LMLN: variants seen among roughly 807,000 people sequenced by gnomAD.
LMLN encodes leishmanolysin-like peptidase.
Under a neutral mutation model 92.3 loss-of-function variants are expected in LMLN, and 70 were observed. That is an observed-to-expected ratio of 0.76 (90% CI 0.63 to 0.92). The LOEUF is 0.92. Ranked by LOEUF, LMLN falls within the 40% of genes least tolerant of loss-of-function variation. The pLI, the probability that LMLN is intolerant of heterozygous loss-of-function variation, is 0.00. For missense variants in LMLN, 691 were observed against 814.6 expected (o/e 0.85, Z 1.85); for synonymous variants, 308 against 296.2 (o/e 1.04, Z -0.41).
At chr3:198,018,966 A>G (rs1330536551) in intron 11 of LMLN, among the ~76,000 whole-genome samples, 2 of 152,268 alleles carry the variant, frequency 1.3e-5, no homozygotes, top group East Asian at 3.8e-4. Flanking sequence ...CAAGTTGATA[A>G]CAATTAGGAA....
intron 1 of LMLN, among the ~76,000 whole-genome samples, chr3:197,961,306 A>G (rs1720873403): frequency 2.0e-5 from 3 of 152,224 alleles, no homozygotes; most frequent in Admixed American, 1.3e-4. Context: ...ACGATAATCC[A>G]TATTCTTTGA....
intron 10 of LMLN, among the ~76,000 whole-genome samples, chr3:197,996,883 G>A (rs1308749584): frequency 6.6e-6 from 1 of 152,162 alleles, no homozygotes; most frequent in Admixed American, 6.5e-5. Flanking sequence ...TTGGGCTCAA[G>A]CAGTCCTCCT....
intron 6 of LMLN, 152 bp from the exon 7 acceptor site, chr3:197,983,791 A>G: frequency 1.9e-6 from 1 of 530,058 alleles, no homozygotes; most frequent in Admixed American, 3.3e-5. Flanking sequence ...AGCAGAGGAT[A>G]CATGTCTTAA....
chr3:198,014,727 T>C, intron 11 of LMLN, among the ~76,000 whole-genome samples: 1 of 142,868 alleles, frequency 7.0e-6, no homozygotes. Flanking sequence ...TCTCCACTCT[T>C]CAGAGCCCCC....
At chr3:197,974,672 A>G (rs1010775961) in intron 2 of LMLN, among the ~76,000 whole-genome samples, 198 bp downstream of exon 2, 38 of 152,248 alleles carry the variant, frequency 2.5e-4, no homozygotes, top group African/African-American at 8.9e-4. Context: ...TTTATGAATA[A>G]TTTTCTTTTA....
At chr3:197,969,087 CTTT>C (rs879484358) in intron 1 of LMLN, among the ~76,000 whole-genome samples, 1 of 144,548 alleles carries the variant, frequency 6.9e-6, no homozygotes. Flanking sequence ...TTCTCTCTGT[CTTT>C]TTTTTTTTTG....
Position 198,012,821 on chromosome 3 carries a change from C to A in LMLN, c.1233-6432C>A, listed in dbSNP as rs551372382. Among the ~76,000 whole-genome samples the A allele has an allele frequency of 1.1e-4, 17 of 149,686 alleles. No homozygotes were observed. The South Asian group carries it at 3.6e-3, about 32-fold the overall frequency. Reference sequence around the variant, plus strand: ...TACCCTTCAGAGCCCCCTAACTAGTCTGACTTCTCTCCACCCTTCAGAGTC... The same window carrying A: ...TACCCTTCAGAGCCCCCTAACTAGTATGACTTCTCTCCACCCTTCAGAGTC... On this transcript the variant is annotated intron_variant, in intron 11 of 15. Transcript: ENST00000330198.
intron 1 of LMLN, among the ~76,000 whole-genome samples, chr3:197,973,011 A>G (rs1425834709): frequency 2.6e-5 from 4 of 152,178 alleles, no homozygotes; most frequent in Admixed American, 2.0e-4. Context: ...TGCCACTCCA[A>G]GAGACACAGA....
At chr3:198,000,796 C>T (rs1722151371) in intron 11 of LMLN, among the ~76,000 whole-genome samples, 1 of 152,192 alleles carries the variant, frequency 6.6e-6, no homozygotes, top group African/African-American at 2.4e-5. Context: ...GCGCTTGGCA[C>T]ACTGTGAGTG....
chr3:198,035,795 T>A (rs1023021313), intron 14 of LMLN, 38 bp from the exon 16 acceptor site: 5 of 1,430,532 alleles, frequency 3.5e-6, no homozygotes, highest in Non-Finnish European at 3.9e-6. Flanking sequence ...GACCTGATAT[T>A]TATTATTTTT....
In LMLN at chr3:198,007,352, G is replaced by C. The variant is rs142216872; in HGVS notation, c.1232+8010G>C. ...CCATGATTCATTTGAGTTAAGTTTT[G>C]TATAAGGTGGGAGACTTAGATCAAG... On this transcript the variant is annotated intron_variant, in intron 11 of 15. Transcript: ENST00000330198. Among the ~76,000 whole-genome samples, 267 of 152,248 alleles carry C rather than the reference G, an allele frequency of 1.8e-3. 2 individuals carry two copies. Among genetic ancestry groups the C allele is most frequent in the African/African-American group, 6.1e-3 (252 of 41,544 alleles).
chr3:198,032,576 G>A (rs899828233), intron 14 of LMLN, among the ~76,000 whole-genome samples: 11 of 152,186 alleles, frequency 7.2e-5, no homozygotes, highest in Non-Finnish European at 2.9e-5. Context: ...TCGGCTTCTG[G>A]TGACGGCTCA....
intron 11 of LMLN, among the ~76,000 whole-genome samples, chr3:198,005,845 G>C (rs964804115): frequency 6.6e-6 from 1 of 151,982 alleles, no homozygotes; most frequent in Non-Finnish European, 1.5e-5. Flanking sequence ...TGTTGGCCAG[G>C]CTGGCTCACA....
chr3:197,974,597 A>G (rs1322681025), intron 2 of LMLN, 123 bp downstream of exon 2: 2 of 560,396 alleles, frequency 3.6e-6, no homozygotes, highest in Non-Finnish European at 6.2e-6. Context: ...TAGCTTCAAA[A>G]TGGAATTAAG....
intron 11 of LMLN, among the ~76,000 whole-genome samples, chr3:198,005,264 A>T (rs888524326): frequency 1.4e-5 from 2 of 146,138 alleles, no homozygotes; most frequent in East Asian, 4.0e-4. Flanking sequence ...ATACAGATAC[A>T]TATCATACGT....
chr3:197,995,929 A>T (rs1376494647), intron 9 of LMLN, among the ~76,000 whole-genome samples: 1 of 152,160 alleles, frequency 6.6e-6, no homozygotes, highest in Non-Finnish European at 1.5e-5. Context: ...TTTTAGCTAT[A>T]TGTTGCAAAA....
intron 11 of LMLN, among the ~76,000 whole-genome samples, chr3:198,009,436 G>A (rs567386092): frequency 6.6e-6 from 1 of 151,854 alleles, no homozygotes; most frequent in East Asian, 1.9e-4. Context: ...GTTCTTTTTT[G>A]TACCATCTTT....
chr3:198,032,418 C>G (rs1202842712), intron 14 of LMLN, among the ~76,000 whole-genome samples: 4 of 152,202 alleles, frequency 2.6e-5, no homozygotes, highest in Admixed American at 6.5e-5. Context: ...CTGTTTTACC[C>G]TTTCCAAAAA....
intron 14 of LMLN, among the ~76,000 whole-genome samples, chr3:198,026,452 G>T (rs185455441): frequency 6.6e-6 from 1 of 152,086 alleles, no homozygotes; most frequent in East Asian, 1.9e-4. Context: ...TGCACAGCTG[G>T]AATCACAGGC....
Sources: allele counts gnomAD v4.1 joint callset (sites outside exome capture counted in the v4.1 genomes callset), GRCh38; gene constraint gnomAD v4.1.1; transcripts MANE v1.5; gene names NCBI Gene and HGNC (gene_info 2026-07-23, HGNC 2026-07-21).